LRP1B: variants seen among roughly 807,000 people sequenced by gnomAD.
LRP1B encodes low-density lipoprotein receptor-related protein 1B.
LRP1B carries 217 observed loss-of-function variants against 556.6 expected under a neutral mutation model. The ratio of observed to expected loss-of-function variants is 0.39; its 90% CI spans 0.35 to 0.44. The LOEUF (loss-of-function observed/expected upper bound fraction) is 0.44. Ranked by LOEUF, LRP1B falls within the 20% of genes least tolerant of loss-of-function variation. The pLI is 1.00. For missense variants in LRP1B, 5,053 were observed against 5,620.8 expected, an observed-to-expected ratio of 0.90 and a Z score of 3.23; for synonymous variants, 2,047 against 1,865.8, an observed-to-expected ratio of 1.10 and a Z score of -2.50.
At chr2:140,418,129 C>A (rs1685277591) in intron 66 of LRP1B, among the ~76,000 whole-genome samples, 1 of 152,208 alleles carries the variant, frequency 6.6e-6, no homozygotes, top group South Asian at 2.1e-4. Context: ...GGGAGAATGA[C>A]AACTGTGAAC....
At chr2:142,080,162 CAAAT>C (rs1366502416) in intron 1 of LRP1B, among the ~76,000 whole-genome samples, 3 of 151,872 alleles carry the variant, frequency 2.0e-5, no homozygotes, top group Non-Finnish European at 4.4e-5. Context: ...CCACATGTGT[CAAAT>C]AAAGACTTGT....
intron 63 of LRP1B, among the ~76,000 whole-genome samples, chr2:140,449,166 C>A (rs900046680): frequency 6.6e-6 from 1 of 151,980 alleles, no homozygotes; most frequent in Non-Finnish European, 1.5e-5. Flanking sequence ...AGAGAACAGT[C>A]AATCTAGACA....
At chr2:141,431,252 C>T (rs1167435528) in intron 3 of LRP1B, among the ~76,000 whole-genome samples, 2 of 151,906 alleles carry the variant, frequency 1.3e-5, no homozygotes, top group Non-Finnish European at 2.9e-5. Context: ...AGAGATGTAG[C>T]AGAAGAGGAG....
At chr2:140,634,530 C>A (rs1261045683) in intron 41 of LRP1B, among the ~76,000 whole-genome samples, 1 of 151,994 alleles carries the variant, frequency 6.6e-6, no homozygotes, top group Admixed American at 6.6e-5. Flanking sequence ...CCAAAGTGTG[C>A]AGAACAAAGA....
intron 1 of LRP1B, among the ~76,000 whole-genome samples, chr2:141,849,781 C>T (rs1372634002): frequency 6.6e-6 from 1 of 151,446 alleles, no homozygotes; most frequent in Admixed American, 6.6e-5. Flanking sequence ...TTTATTGATT[C>T]CCTAGCCACA....
chr2:140,868,922 T>C (rs1197009413), intron 25 of LRP1B, among the ~76,000 whole-genome samples: 1 of 151,986 alleles, frequency 6.6e-6, no homozygotes, highest in East Asian at 1.9e-4. Flanking sequence ...CAGCCAGAAA[T>C]GGGTCCCCGG....
chr2:140,860,201 C>T (rs537756019), intron 27 of LRP1B, among the ~76,000 whole-genome samples: 2 of 151,886 alleles, frequency 1.3e-5, no homozygotes, highest in African/African-American at 2.4e-5. Flanking sequence ...TTTATTCACT[C>T]GTTCATTCAT....
chr2:140,959,895 C>A (rs1212265710), intron 18 of LRP1B, among the ~76,000 whole-genome samples: 3 of 151,630 alleles, frequency 2.0e-5, no homozygotes, highest in African/African-American at 7.2e-5. Flanking sequence ...TCATACACTG[C>A]AATTATTCAC....
rs544945517 is a variant in LRP1B at position 140,456,619 on chromosome 2, AAAC to A, written c.9815-19_9815-17del. The A allele has an allele frequency of 3.9e-4, 628 of 1,602,044 alleles. 4 individuals carry two copies. In the Middle Eastern group the frequency reaches 9.0e-3, roughly 23 times the overall value. On this transcript the variant is annotated splice_polypyrimidine_tract_variant and intron_variant, in intron 61 of 90. Transcript: ENST00000389484. ...TGTTTGGAGACTAAAGATAAGAAAGAAACAACAACAACAAAACAGGATAATCAA... is the reference window on the plus strand; with the variant it reads ...TGTTTGGAGACTAAAGATAAGAAAGAAACAACAACAAAACAGGATAATCAA...
chr2:140,236,644 T>G (rs1219141711), intron 89 of LRP1B, among the ~76,000 whole-genome samples: 1 of 150,908 alleles, frequency 6.6e-6, no homozygotes, highest in African/African-American at 2.4e-5. Flanking sequence ...TATGTATCAA[T>G]GAAATGTTTT....
chr2:140,371,725 C>G (rs1683007760), intron 69 of LRP1B, among the ~76,000 whole-genome samples: 2 of 151,776 alleles, frequency 1.3e-5, no homozygotes, highest in Non-Finnish European at 2.9e-5. Flanking sequence ...CTTACATTCA[C>G]TGTATAAAGC....
At chr2:141,041,248 G>T (rs1239186011) in intron 11 of LRP1B, among the ~76,000 whole-genome samples, 1 of 152,084 alleles carries the variant, frequency 6.6e-6, no homozygotes, top group African/African-American at 2.4e-5. Flanking sequence ...CACAGACTCT[G>T]CCAGTTTCCT....
chr2:140,315,068 T>C lies in LRP1B; in HGVS notation c.12672A>G (p.Gly4224=). Residue 4224 remains glycine (G), a synonymous_variant, in exon 83 of 91, where the codon GGA becomes GGG. Coordinates refer to ENST00000389484, the MANE Select transcript of LRP1B (RefSeq NM_018557.3). ...DDSCKLTCEN[G]GRCILNEKGD... is the part of the protein sequence containing the mutation. ...CTTTCTCATTTAAAATGCATCTTCCTCCATTTTCACAAGTTAACTTACATG... is the reference window on the plus strand; with the variant it reads ...CTTTCTCATTTAAAATGCATCTTCCCCCATTTTCACAAGTTAACTTACATG... The C allele has an allele frequency of 6.2e-7, 1 of 1,610,638 alleles. No homozygotes were observed. Among genetic ancestry groups the C allele is most frequent in the South Asian group, 1.1e-5 (1 of 90,464 alleles).
chr2:140,366,578 T>C (rs1682772521), intron 71 of LRP1B, among the ~76,000 whole-genome samples: 1 of 151,068 alleles, frequency 6.6e-6, no homozygotes, highest in African/African-American at 2.4e-5. Flanking sequence ...TAAAGACGAG[T>C]CTACAAAAGA....
At chr2:141,395,279 C>T (rs1035235973) in intron 3 of LRP1B, among the ~76,000 whole-genome samples, 6 of 151,950 alleles carry the variant, frequency 3.9e-5, no homozygotes, top group Non-Finnish European at 7.4e-5. Context: ...TGATAAATGC[C>T]CTATACAGGT....
At chr2:141,857,898 G>A (rs1382787091) in intron 1 of LRP1B, among the ~76,000 whole-genome samples, 1 of 151,894 alleles carries the variant, frequency 6.6e-6, no homozygotes, top group Non-Finnish European at 1.5e-5. Context: ...CCTTTTCCTG[G>A]CCCTAGGAGA....
At chr2:140,712,062 T>C (rs1439603004) in intron 37 of LRP1B, among the ~76,000 whole-genome samples, 1 of 152,174 alleles carries the variant, frequency 6.6e-6, no homozygotes, top group African/African-American at 2.4e-5. Context: ...AGCTCTCAAA[T>C]GACCTTTGTC....
intron 6 of LRP1B, among the ~76,000 whole-genome samples, chr2:141,198,028 T>C (rs1681827359): frequency 6.6e-6 from 1 of 152,120 alleles, no homozygotes; most frequent in Non-Finnish European, 1.5e-5. Context: ...GGTAAGATTA[T>C]GAAGAAACCT....
chr2:141,374,170 T>C lies in LRP1B; in HGVS notation c.343+106226A>G, dbSNP rs75927385. 1.9e-3 allele frequency among the ~76,000 whole-genome samples: 283 copies of C among 152,248 alleles called. 2 individuals carry two copies. The highest frequency in any genetic ancestry group is 6.4e-3 in the African/African-American group (267 of 41,566). On this transcript the variant is annotated intron_variant, in intron 3 of 90. Transcript: ENST00000389484. Reference sequence around the variant, plus strand: ...CAGAAAAACACTGTATTTCCTTTAGTGTTTTTCTTTCAGCACTTTGAATAT... The same window carrying C: ...CAGAAAAACACTGTATTTCCTTTAGCGTTTTTCTTTCAGCACTTTGAATAT...
Sources: gnomAD v4.1 joint callset for allele counts (sites outside exome capture counted in the v4.1 genomes callset) on GRCh38, gnomAD v4.1.1 for gene constraint, MANE v1.5 for transcripts, NCBI Gene and HGNC (gene_info 2026-07-23, HGNC 2026-07-21) for gene names.